The following GOLPH3L variants were observed in gnomAD, a reference collection of about 807,000 sequenced individuals.
The protein encoded by GOLPH3L is golgi phosphoprotein 3 like.
A neutral mutation model predicts 30.3 loss-of-function variants in GOLPH3L; 22 were observed. That is an observed-to-expected ratio of 0.73 (90% CI 0.52 to 1.04). The LOEUF is 1.04. GOLPH3L is among the 50% of genes least tolerant of loss of function. The pLI is 0.00. For synonymous variants in GOLPH3L, 120 were observed against 128.2 expected (o/e 0.94, Z 0.43); for missense variants, 303 against 345.8 (o/e 0.88, Z 0.98).
intron 2 of GOLPH3L, 58 bp from the exon 3 acceptor site, chr1:150,663,821 C>T: frequency 6.6e-7 from 1 of 1,506,582 alleles, no homozygotes; most frequent in Non-Finnish European, 9.2e-7. Flanking sequence ...TGACTTCCAG[C>T]AGGCACCCTA....
intron 2 of GOLPH3L, among the ~76,000 whole-genome samples, chr1:150,681,936 G>A (rs958117756): frequency 3.9e-5 from 6 of 152,004 alleles, no homozygotes; most frequent in African/African-American, 1.4e-4. Context: ...GTATGTGGCA[G>A]GCGCCTGTAA....
At chr1:150,672,924 T>C (rs889253352) in intron 2 of GOLPH3L, among the ~76,000 whole-genome samples, 8 of 152,140 alleles carry the variant, frequency 5.3e-5, no homozygotes, top group Non-Finnish European at 1.0e-4. Flanking sequence ...CTTTCAGGTT[T>C]ATTTTAAAAG....
Position 150,663,664 on chromosome 1 carries a change from T to C in GOLPH3L, c.283A>G (p.Thr95Ala), listed in dbSNP as rs1331899653. ...MRGRIYLEPP[T>A]MRKKRLLDRK... The stretch of plus-strand genomic sequence containing the variant: ...TCTAGTAGTCGCTTCTTACGCATGG[T>C]CGGGGGTTCCAGATAGATTCGACCC... Residue 95 changes from threonine (T) to alanine (A), a missense_variant, in exon 3 of 5, where the codon ACC becomes GCC. Coordinates refer to ENST00000271732, the MANE Select transcript of GOLPH3L (RefSeq NM_018178.6). The C allele has an allele frequency of 3.7e-6, 6 of 1,613,784 alleles. No homozygotes were observed. Among genetic ancestry groups the C allele is most frequent in the Non-Finnish European group, 5.1e-6 (6 of 1,179,778 alleles).
At chr1:150,678,705 G>GC (rs1650876997) in intron 2 of GOLPH3L, among the ~76,000 whole-genome samples, 1 of 152,164 alleles carries the variant, frequency 6.6e-6, no homozygotes, top group Non-Finnish European at 1.5e-5. Flanking sequence ...TTGGCGGGGT[G>GC]CGGTGGCTCA....
In GOLPH3L at chr1:150,670,383, G is replaced by A. The variant is rs34647563; in HGVS notation, c.184-6620C>T. Among the ~76,000 whole-genome samples, 1,301 of 152,236 alleles carry A rather than the reference G, an allele frequency of 8.5e-3. 9 individuals carry two copies. Among genetic ancestry groups the A allele is most frequent in the Non-Finnish European group, 0.014 (978 of 68,018 alleles). On this transcript the variant is annotated intron_variant, in intron 2 of 4. Coordinates refer to ENST00000271732, the MANE Select transcript of GOLPH3L (RefSeq NM_018178.6). ...GAGGCTGAGGCGAGTGGATCATGAG[G>A]TCAGGAGATCGAGACCATCCTGGCT...
At chr1:150,694,056 A>G in intron 2 of GOLPH3L, 1 of 345,436 alleles carries the variant, frequency 2.9e-6, no homozygotes, top group Non-Finnish European at 5.9e-6. Context: ...ACGGGGTTTC[A>G]CCATGTTGGC....
intron 2 of GOLPH3L, among the ~76,000 whole-genome samples, chr1:150,679,260 G>C (rs1019271970): frequency 2.6e-5 from 4 of 152,084 alleles, no homozygotes; most frequent in Non-Finnish European, 5.9e-5. Flanking sequence ...TATTCTACTT[G>C]ACCAACCCAA....
intron 2 of GOLPH3L, among the ~76,000 whole-genome samples, chr1:150,666,189 TC>T (rs1255940809): frequency 6.6e-6 from 1 of 152,176 alleles, no homozygotes; most frequent in African/African-American, 2.4e-5. Flanking sequence ...TTTCTTAGCT[TC>T]AAAAATTCTC....
chr1:150,686,811 G>A (rs1393619334), intron 2 of GOLPH3L, among the ~76,000 whole-genome samples: 1 of 151,972 alleles, frequency 6.6e-6, no homozygotes, highest in African/African-American at 2.4e-5. Context: ...GAAGAATTAG[G>A]GAGAAGATCT....
At chr1:150,650,375 C>T (rs1235933612) in intron 4 of GOLPH3L, among the ~76,000 whole-genome samples, 3 of 152,202 alleles carry the variant, frequency 2.0e-5, no homozygotes, top group Non-Finnish European at 4.4e-5. Flanking sequence ...GCAGGCAAGT[C>T]ACTAAGGAAA....
intron 2 of GOLPH3L, among the ~76,000 whole-genome samples, chr1:150,687,304 G>A (rs180720318): frequency 5.3e-5 from 8 of 152,182 alleles, no homozygotes; most frequent in Admixed American, 2.6e-4. Context: ...TGGGCTGGGC[G>A]TGGTGGCTCA....
intron 2 of GOLPH3L, among the ~76,000 whole-genome samples, chr1:150,681,281 C>T (rs928105778): frequency 6.6e-5 from 10 of 151,984 alleles, no homozygotes; most frequent in African/African-American, 2.2e-4. Flanking sequence ...GTGGTAGAAC[C>T]GGGATTTGAA....
intron 4 of GOLPH3L, among the ~76,000 whole-genome samples, chr1:150,650,094 C>G (rs1035470418): frequency 3.3e-5 from 5 of 151,976 alleles, no homozygotes; most frequent in African/African-American, 1.2e-4. Flanking sequence ...AGGGAACTTC[C>G]AAGCTGCTAG....
At chr1:150,685,470 T>G (rs1193713940) in intron 2 of GOLPH3L, among the ~76,000 whole-genome samples, 3 of 152,204 alleles carry the variant, frequency 2.0e-5, no homozygotes, top group Non-Finnish European at 2.9e-5. Context: ...ATCCCAGCAC[T>G]TTGGGAGGCT....
chr1:150,680,028 T>C (rs971094650), intron 2 of GOLPH3L, among the ~76,000 whole-genome samples: 2 of 152,186 alleles, frequency 1.3e-5, no homozygotes, highest in African/African-American at 4.8e-5. Context: ...ATTTAAGAGC[T>C]AGACTCCACA....
At chr1:150,661,280 G>A (rs1008876427) in intron 4 of GOLPH3L, among the ~76,000 whole-genome samples, 7 of 152,100 alleles carry the variant, frequency 4.6e-5, no homozygotes, top group African/African-American at 1.7e-4. Flanking sequence ...CAGTAAGAAT[G>A]TTACTCGTTG....
In GOLPH3L at chr1:150,694,804, T is replaced by A; in HGVS notation, c.35A>T (p.Glu12Val). The change falls in exon 2 of 5, where the codon GAA becomes GTA. Residue 12 changes from glutamate to valine, a missense_variant. Coordinates refer to ENST00000271732, the MANE Select transcript of GOLPH3L (RefSeq NM_018178.6). ...CTTCTTTTCAGAGTTCTTGCTTATT[T>A]CAGTGCGACGGGCCCGGTGAGTTAA... ...TTLTHRARRT[E>V]ISKNSEKKME... is the part of the protein sequence containing the mutation. 1 of 1,613,340 alleles carries A rather than the reference T, an allele frequency of 6.2e-7. No individual in the cohort carries two copies.
In GOLPH3L at chr1:150,694,863, G is replaced by C. The variant is rs762490423; in HGVS notation, c.-12-13C>G. 2.0e-6 allele frequency: 3 copies of C among 1,501,432 alleles called. No homozygotes were observed. The highest frequency in any genetic ancestry group is 2.7e-6 in the Non-Finnish European group (3 of 1,110,296). The allele number at this position is 1,501,432 out of a possible 1,614,324, so 93.0% of individuals were successfully genotyped here. On this transcript the variant is annotated splice_polypyrimidine_tract_variant and intron_variant, in intron 1 of 4. Transcript: ENST00000271732. ...TTCTCACCTGTTTCTGGAGGGAGTG[G>C]TGAAAAAAAAAATCCATATGTATGC...
intron 2 of GOLPH3L, among the ~76,000 whole-genome samples, chr1:150,678,328 CCTTT>C (rs1039900912): frequency 5.0e-5 from 7 of 140,274 alleles, no homozygotes; most frequent in East Asian, 2.1e-4. Flanking sequence ...CCTATAAATT[CCTTT>C]CTAAGATTTA....
Sources: allele counts gnomAD v4.1 joint callset (sites outside exome capture counted in the v4.1 genomes callset), GRCh38; gene constraint gnomAD v4.1.1; transcripts MANE v1.5; gene names NCBI Gene and HGNC (gene_info 2026-07-23, HGNC 2026-07-21).